Variants in CRTC1 observed in about 807,000 individuals in gnomAD.
The protein encoded by CRTC1 is CREB-regulated transcription coactivator 1.
In CRTC1, 18 loss-of-function variants were observed where a neutral mutation model predicts 66.1. That is an observed-to-expected ratio of 0.27 (90% CI 0.19 to 0.40). CRTC1 has a LOEUF of 0.40. Ranked by LOEUF, CRTC1 falls within the 10% of genes least tolerant of loss-of-function variation. The pLI, the probability that CRTC1 is intolerant of heterozygous loss-of-function variation, is 1.00. For synonymous variants in CRTC1, 416 were observed against 398.8 expected, an observed-to-expected ratio of 1.04 and a Z score of -0.51; for missense variants, 669 against 887.9, an observed-to-expected ratio of 0.75 and a Z score of 3.13.
At chr19:18,747,199 GAC>G in intron 4 of CRTC1, 85 bp downstream of exon 4, 1 of 1,074,210 alleles carries the variant, frequency 9.3e-7, no homozygotes, top group Non-Finnish European at 1.4e-6. Context: ...GGAAAAGCAG[GAC>G]ACAGTCGCTT....
intron 12 of CRTC1, 107 bp downstream of exon 12, chr19:18,775,093 G>A: frequency 1.8e-6 from 2 of 1,101,030 alleles, no homozygotes; most frequent in Non-Finnish European, 1.3e-6. Context: ...GTGCTCGGGG[G>A]GCCCGTGCCT....
At chr19:18,770,857 GGT>G (rs2054848562) in intron 10 of CRTC1, among the ~76,000 whole-genome samples, 1 of 143,900 alleles carries the variant, frequency 6.9e-6, no homozygotes, top group African/African-American at 2.6e-5. Flanking sequence ...TGTGGGTGTG[GGT>G]GTGCATGCGT....
chr19:18,719,827 G>C (rs1279991273), intron 1 of CRTC1, among the ~76,000 whole-genome samples: 2 of 152,260 alleles, frequency 1.3e-5, no homozygotes, highest in Non-Finnish European at 2.9e-5. Flanking sequence ...ACTTCCCTGA[G>C]GTTAGGTCCG....
chr19:18,765,118 T>C (rs1424094845), intron 8 of CRTC1, among the ~76,000 whole-genome samples: 1 of 152,130 alleles, frequency 6.6e-6, no homozygotes, highest in Non-Finnish European at 1.5e-5. Flanking sequence ...TACATGCCCA[T>C]CTGGGGGCCA....
In CRTC1 at chr19:18,782,070, C is replaced by A. The variant is rs1237414169; in HGVS notation, c.*4688C>A. On this transcript the variant is annotated 3_prime_UTR_variant, in exon 14 of 14. Coordinates refer to ENST00000321949, the MANE Select transcript of CRTC1 (RefSeq NM_015321.3). Reference sequence around the variant, plus strand: ...CTGTCCCCTAGGGGCTGGGTGGCCCCACTGATATATGCAAACCCGCCGGTC... The same window carrying A: ...CTGTCCCCTAGGGGCTGGGTGGCCCAACTGATATATGCAAACCCGCCGGTC... The A allele has an allele frequency of 8.8e-6, 2 of 226,526 alleles. No individual in the cohort carries two copies. Among genetic ancestry groups the A allele is most frequent in the African/African-American group, 4.5e-5 (2 of 44,888 alleles). The allele number at this position is 226,526 out of a possible 1,614,324, so 14.0% of individuals were successfully genotyped here.
chr19:18,742,933 C>T lies in CRTC1; in HGVS notation c.150C>T (p.Tyr50=). Residue 50 remains tyrosine, a synonymous_variant, in exon 2 of 14, where the codon TAC becomes TAT. Transcript: ENST00000321949. ...AGCTCCAGCTCCAGAAATCCCAGTACCTGCAACTGGGCCCCAGCCGAGGCC... is the reference window on the plus strand; with the variant it reads ...AGCTCCAGCTCCAGAAATCCCAGTATCTGCAACTGGGCCCCAGCCGAGGCC... ...AARLQLQKSQ[Y]LQLGPSRGQY... 4 of 1,613,762 alleles carry T rather than the reference C, an allele frequency of 2.5e-6. No individual in the cohort carries two copies. The highest frequency in any genetic ancestry group is 2.5e-6 in the Non-Finnish European group (3 of 1,179,896).
chr19:18,741,669 T>G lies in CRTC1; in HGVS notation c.127-1241T>G, dbSNP rs1325857573. 6.6e-6 allele frequency among the ~76,000 whole-genome samples: 1 copy of G among 152,176 alleles called. No homozygotes were observed. Among genetic ancestry groups the G allele is most frequent in the African/African-American group, 2.4e-5 (1 of 41,442 alleles). ...ACACTGTGGATGTTCATTGTGTATG[T>G]GTCTGGCCAGCGGCCACCAAGGGCT... On this transcript the variant is annotated intron_variant, in intron 1 of 13. Coordinates refer to ENST00000321949, the MANE Select transcript of CRTC1 (RefSeq NM_015321.3). This position sits in a 1 kb window ranked among gnomAD's most constrained non-coding sequence, Gnocchi z 4.2.
chr19:18,705,542 C>T (rs1438697606), intron 1 of CRTC1, among the ~76,000 whole-genome samples: 1 of 152,160 alleles, frequency 6.6e-6, no homozygotes, highest in Non-Finnish European at 1.5e-5. Flanking sequence ...TGGTCTCGAA[C>T]TCCTGACCTC....
At chr19:18,745,992 G>A in intron 3 of CRTC1, 32 bp downstream of exon 3, 1 of 1,583,632 alleles carries the variant, frequency 6.3e-7, no homozygotes, top group Non-Finnish European at 8.6e-7. Flanking sequence ...GAGGGTGGGG[G>A]CCAGGCCCTG....
intron 5 of CRTC1, among the ~76,000 whole-genome samples, chr19:18,751,515 G>A (rs897865448): frequency 5.9e-5 from 9 of 151,656 alleles, no homozygotes; most frequent in African/African-American, 2.2e-4. Context: ...GTGACAAAGT[G>A]AAACCCTATC....
intron 1 of CRTC1, among the ~76,000 whole-genome samples, chr19:18,722,975 C>T (rs1006123097): frequency 3.3e-5 from 5 of 152,040 alleles, no homozygotes; most frequent in Admixed American, 1.3e-4. Context: ...GGGTCTTGCT[C>T]TCTTGCCCAG....
chr19:18,708,503 G>A (rs2053314765), intron 1 of CRTC1, among the ~76,000 whole-genome samples: 2 of 152,194 alleles, frequency 1.3e-5, no homozygotes, highest in Non-Finnish European at 2.9e-5. Context: ...GGTGAATTGG[G>A]CACGTTGGCT....
intron 1 of CRTC1, among the ~76,000 whole-genome samples, chr19:18,687,826 G>T (rs1029591674): frequency 6.6e-6 from 1 of 151,978 alleles, no homozygotes; most frequent in Admixed American, 6.6e-5. Flanking sequence ...GGGGGACAGG[G>T]CGTAAAGTCG....
intron 1 of CRTC1, among the ~76,000 whole-genome samples, chr19:18,689,167 G>C (rs1000634978): frequency 1.3e-5 from 2 of 151,770 alleles, no homozygotes; most frequent in Non-Finnish European, 2.9e-5. Flanking sequence ...GGCTGGTCTC[G>C]AACTCCTGAC....
At chr19:18,763,815 C>T (rs2054668029) in intron 8 of CRTC1, among the ~76,000 whole-genome samples, 1 of 152,224 alleles carries the variant, frequency 6.6e-6, no homozygotes, top group Non-Finnish European at 1.5e-5. Context: ...CCGAGCCCGA[C>T]CTCTGCTTCT....
At chr19:18,741,000 A>G (rs1209631247) in intron 1 of CRTC1, among the ~76,000 whole-genome samples, 1 of 152,142 alleles carries the variant, frequency 6.6e-6, no homozygotes, top group Non-Finnish European at 1.5e-5. Flanking sequence ...GCGAGACTCC[A>G]TCTCAAAAAA....
chr19:18,777,769 G>A lies in CRTC1; in HGVS notation c.*387G>A, dbSNP rs2055027215. ...GGGGCGCGCATGGTCCGCCAGGGCT[G>A]TGGGCCGTGGCGCATTTTCCGACTG... On this transcript the variant is annotated 3_prime_UTR_variant, in exon 14 of 14. Coordinates refer to ENST00000321949, the MANE Select transcript of CRTC1 (RefSeq NM_015321.3). The surrounding 1 kb of genome is among the most constrained non-coding windows in gnomAD (Gnocchi z 5.5). The A allele has an allele frequency of 3.1e-6, 1 of 324,798 alleles. No individual in the cohort carries two copies. Among genetic ancestry groups the A allele is most frequent in the Non-Finnish European group, 5.7e-6 (1 of 174,580 alleles). The allele number at this position is 324,798 out of a possible 1,614,324, so 20.1% of individuals were successfully genotyped here. A position where few individuals can be genotyped will look rare whatever the true frequency, so the allele number is the denominator to read the frequency against.
chr19:18,755,593 C>CTTTTTTTTTT (rs58121199), intron 6 of CRTC1, among the ~76,000 whole-genome samples: 1 of 107,498 alleles, frequency 9.3e-6, no homozygotes. Flanking sequence ...CCAAACCTGG[C>CTTTTTTTTTT]TTTTTTTTTT....
rs1453828773 is a variant in CRTC1, at chr19:18,781,961, G to A, written c.*4579G>A. 4.3e-6 allele frequency: 1 copy of A among 230,448 alleles called. No homozygotes were observed. The allele number at this position is 230,448 out of a possible 1,614,324, so 14.3% of individuals were successfully genotyped here. A position where few individuals can be genotyped will look rare whatever the true frequency, so the allele number is the denominator to read the frequency against. On this transcript the variant is annotated 3_prime_UTR_variant, in exon 14 of 14. Transcript: ENST00000321949. ...CTCCTGCCCACCAGGAGGGGACTTA[G>A]CCATGGACTTGGCCAGTAGGCCTGG...
Sources: gnomAD v4.1 joint callset for allele counts (sites outside exome capture counted in the v4.1 genomes callset) on GRCh38, gnomAD v4.1.1 for gene constraint, Gnocchi (gnomAD v3.1) non-coding constraint, MANE v1.5 for transcripts, NCBI Gene and HGNC (gene_info 2026-07-23, HGNC 2026-07-21) for gene names.